The following STK32C variants were observed in gnomAD, a reference collection of about 807,000 sequenced individuals.
The protein encoded by STK32C is serine/threonine-protein kinase 32C.
A neutral mutation model predicts 56.5 loss-of-function variants in STK32C; 31 were observed. The ratio of observed to expected loss-of-function variants is 0.55; its 90% CI spans 0.41 to 0.74. The LOEUF is 0.74. Ranked by LOEUF, STK32C falls within the 30% of genes least tolerant of loss-of-function variation. The pLI is 0.00. For missense variants in STK32C, 544 were observed against 676.9 expected, an observed-to-expected ratio of 0.80 and a Z score of 2.18; for synonymous variants, 309 against 289.4, an observed-to-expected ratio of 1.07 and a Z score of -0.69.
intron 1 of STK32C, among the ~76,000 whole-genome samples, chr10:132,314,070 C>T (rs2066270610): frequency 6.6e-6 from 1 of 152,208 alleles, no homozygotes; most frequent in Non-Finnish European, 1.5e-5. Flanking sequence ...AGAACTCAGC[C>T]AGCCATAAGC....
At chr10:132,213,756 G>A (rs760967720) in intron 10 of STK32C, among the ~76,000 whole-genome samples, 1 of 152,206 alleles carries the variant, frequency 6.6e-6, no homozygotes, top group Non-Finnish European at 1.5e-5. Flanking sequence ...AAGGGCTCCA[G>A]GGGAAAAGCA....
chr10:132,232,991 CA>C (rs907139922), intron 2 of STK32C, among the ~76,000 whole-genome samples: 10 of 152,220 alleles, frequency 6.6e-5, no homozygotes, highest in African/African-American at 2.4e-4. Flanking sequence ...TGCCTGACCA[CA>C]AGTACCTAAG....
At chr10:132,222,341 C>T (rs34351032) in intron 10 of STK32C, among the ~76,000 whole-genome samples, 5,658 of 151,960 alleles carry the variant, frequency 0.037, 251 homozygotes, top group South Asian at 0.097. Context: ...TTCACATAGC[C>T]GTCCCCGCAC....
At chr10:132,224,731 C>T (rs1010319065) in intron 7 of STK32C, among the ~76,000 whole-genome samples, 3 of 152,134 alleles carry the variant, frequency 2.0e-5, no homozygotes, top group Admixed American at 6.5e-5. Context: ...CTGGCTGCTG[C>T]GCCCATCTGG....
At chr10:132,216,601 C>T (rs910069006) in intron 10 of STK32C, among the ~76,000 whole-genome samples, 2 of 152,164 alleles carry the variant, frequency 1.3e-5, no homozygotes, top group East Asian at 3.8e-4. Flanking sequence ...CAGACCTTTG[C>T]GGCAGCCCCT....
chr10:132,303,005 G>C (rs2065954064), intron 1 of STK32C, among the ~76,000 whole-genome samples: 1 of 152,154 alleles, frequency 6.6e-6, no homozygotes. Flanking sequence ...ATGTGCAAGA[G>C]GCAGCGAAGT....
At chr10:132,331,997 C>T, upstream of STK32C, 1 of 434,576 alleles carries the variant, frequency 2.3e-6, no homozygotes, top group Non-Finnish European at 4.0e-6. Flanking sequence ...GCACCACACC[C>T]GACCCCCTGC....
intron 8 of STK32C, among the ~76,000 whole-genome samples, chr10:132,223,349 C>T (rs1051629001): frequency 1.3e-5 from 2 of 152,204 alleles, no homozygotes; most frequent in African/African-American, 2.4e-5. Context: ...GTAACTATCC[C>T]AGAGCCACTT....
chr10:132,331,631 G>A, exon 1 of STK32C: 2 of 1,612,848 alleles, frequency 1.2e-6, no homozygotes, highest in Non-Finnish European at 1.7e-6. Flanking sequence ...AGGCAGCGAG[G>A]ACCGCTCCAA....
chr10:132,226,524 G>C (rs1300402624), intron 4 of STK32C, among the ~76,000 whole-genome samples: 20 of 152,186 alleles, frequency 1.3e-4, no homozygotes, highest in Admixed American at 1.3e-3. Context: ...CCAGCCTGGT[G>C]GTCTGTCCAC....
At chr10:132,329,179 C>T (rs1162246388) in intron 1 of STK32C, among the ~76,000 whole-genome samples, 1 of 152,256 alleles carries the variant, frequency 6.6e-6, no homozygotes, top group Non-Finnish European at 1.5e-5. Context: ...CTTTGGGAGG[C>T]TGAGGCAGGT....
intron 1 of STK32C, among the ~76,000 whole-genome samples, chr10:132,253,341 GGAGCCGAGGGAGCTGGAGA>G (rs2063974133): frequency 6.6e-6 from 1 of 152,146 alleles, no homozygotes; most frequent in Non-Finnish European, 1.5e-5. Flanking sequence ...GGAGCTGGAG[GGAGCCGAGGGAGCTGGAGA>G]GAGTCAAGGG....
At position 132,225,591 on chromosome 10, in the gene STK32C, G is replaced by A; in HGVS notation, c.708C>T (p.Asn236=). 1 of 1,613,712 alleles carries A rather than the reference G, an allele frequency of 6.2e-7. No homozygotes were observed. The highest frequency in any genetic ancestry group is 8.5e-7 in the Non-Finnish European group (1 of 1,179,810). Reference sequence around the variant, plus strand: ...CCCCGTCCTTGATGATGGTGGCAATGTTGAAGTCGGTCAGGTGTGCATGTC... The same window carrying A: ...CCCCGTCCTTGATGATGGTGGCAATATTGAAGTCGGTCAGGTGTGCATGTC... ...ERGHAHLTDF[N]IATIIKDGER... is the part of the protein sequence containing the mutation. Residue 236 remains asparagine, a synonymous_variant, in exon 6 of 12, where the codon AAC becomes AAT. Transcript: ENST00000298630.
At chr10:132,308,146 C>T (rs1027076822), upstream of STK32C, among the ~76,000 whole-genome samples, 7 of 151,454 alleles carry the variant, frequency 4.6e-5, no homozygotes, top group African/African-American at 1.2e-4. Context: ...GGGGCTAGTG[C>T]CTGGAGTGTC....
At chr10:132,262,164 G>A (rs976692869) in intron 1 of STK32C, among the ~76,000 whole-genome samples, 10 of 152,020 alleles carry the variant, frequency 6.6e-5, no homozygotes, top group African/African-American at 1.4e-4. Context: ...TCTGATCTTC[G>A]ACAAAGCTGA....
chr10:132,253,948 A>G (rs977445305), intron 1 of STK32C, among the ~76,000 whole-genome samples: 8 of 152,242 alleles, frequency 5.3e-5, no homozygotes, highest in African/African-American at 1.4e-4. Flanking sequence ...ATGGGCATAG[A>G]AAGAGCACTT....
chr10:132,269,038 CGTGT>C (rs1247323571), intron 1 of STK32C, among the ~76,000 whole-genome samples: 7 of 121,950 alleles, frequency 5.7e-5, no homozygotes, highest in South Asian at 2.7e-4. Context: ...TGTCCCACAT[CGTGT>C]GTGTGTGTCG....
chr10:132,292,233 T>TCTGAGCCCAGGAGC (rs2065588423), intron 1 of STK32C, among the ~76,000 whole-genome samples: 1 of 152,114 alleles, frequency 6.6e-6, no homozygotes, highest in Non-Finnish European at 1.5e-5. Flanking sequence ...TGCAGCACAC[T>TCTGAGCCCAGGAGC]CTGAGCCCAG....
chr10:132,208,587 G>A (rs543565073), intron 11 of STK32C, among the ~76,000 whole-genome samples: 141 of 152,300 alleles, frequency 9.3e-4, no homozygotes, highest in Non-Finnish European at 1.5e-3. Flanking sequence ...CGGGCAGAGG[G>A]AGCATCCATC....
Sources: gnomAD v4.1 joint callset for allele counts (sites outside exome capture counted in the v4.1 genomes callset) on GRCh38, gnomAD v4.1.1 for gene constraint, MANE v1.5 for transcripts, NCBI Gene and HGNC (gene_info 2026-07-23, HGNC 2026-07-21) for gene names.